Variants in BANP observed in about 807,000 individuals in gnomAD.
BANP encodes BTG3 associated nuclear protein.
A neutral mutation model predicts 68.1 loss-of-function variants in BANP; 11 were observed. That is an observed-to-expected ratio of 0.16 (90% confidence interval 0.10 to 0.27). The LOEUF is 0.27. Ranked by LOEUF, BANP falls within the 10% of genes least tolerant of loss-of-function variation. The probability of loss-of-function intolerance (pLI) is 1.00; values close to 1 mark genes in which losing one functional copy is unlikely to be tolerated. For synonymous variants in BANP, 329 were observed against 303.2 expected, an observed-to-expected ratio of 1.09 and a Z score of -0.88; for missense variants, 504 against 722.7, an observed-to-expected ratio of 0.70 and a Z score of 3.47.
In BANP at chr16:87,951,460, G is replaced by T. The variant is rs1393326570; in HGVS notation, c.-124G>T. The T allele has an allele frequency of 6.6e-6, 1 of 152,152 alleles. No homozygotes were observed. Among genetic ancestry groups the T allele is most frequent in the Non-Finnish European group, 1.5e-5 (1 of 67,900 alleles). The allele number at this position is 152,152 out of a possible 1,614,324, so 9.4% of individuals were successfully genotyped here. On this transcript the variant is annotated 5_prime_UTR_variant, in exon 1 of 14. Coordinates refer to ENST00000682872, the MANE Select transcript of BANP (RefSeq NM_001386991.1). ...GAGCGGCGGCTTCTCTCGCGAGGAC[G>T]GACGCCATTATCGCATCTCCCCGAC... is the stretch of plus-strand genomic sequence containing the variant.
chr16:87,955,026 G>A (rs748117963), intron 1 of BANP, among the ~76,000 whole-genome samples: 16 of 152,230 alleles, frequency 1.1e-4, no homozygotes, highest in Non-Finnish European at 1.9e-4. Context: ...GGCTGCCAGC[G>A]TACCTGGGCA....
At chr16:87,972,000 C>G (rs768276671) in intron 1 of BANP, among the ~76,000 whole-genome samples, 2 of 152,086 alleles carry the variant, frequency 1.3e-5, no homozygotes, top group Non-Finnish European at 2.9e-5. Flanking sequence ...CGGTACATGC[C>G]CAGGCTGCTC....
At chr16:87,961,265 G>A (rs1298039203) in intron 1 of BANP, among the ~76,000 whole-genome samples, 1 of 152,208 alleles carries the variant, frequency 6.6e-6, no homozygotes, top group African/African-American at 2.4e-5. Context: ...ATTATCTGAA[G>A]AGCCTATTAA....
intron 1 of BANP, among the ~76,000 whole-genome samples, chr16:87,969,002 C>T (rs1270392830): frequency 6.6e-6 from 1 of 152,072 alleles, no homozygotes; most frequent in African/African-American, 2.4e-5. Context: ...GTATCTTAAC[C>T]TGGAAATATT....
chr16:88,057,715 C>G lies in BANP; in HGVS notation c.1312-7552C>G, dbSNP rs149880186. The stretch of plus-strand genomic sequence containing the variant: ...GGCACTGTGCGAGACAGTCTGACTT[C>G]TGACAAGTAAGAGAGATGGCGGGGC... On this transcript the variant is annotated intron_variant, in intron 11 of 13. Coordinates refer to ENST00000682872, the MANE Select transcript of BANP (RefSeq NM_001386991.1). This position sits in a 1 kb window ranked among gnomAD's most constrained non-coding sequence, Gnocchi z 4.6. 4.0e-3 allele frequency among the ~76,000 whole-genome samples: 480 copies of G among 118,684 alleles called. 3 individuals are homozygous for G. The highest frequency in any genetic ancestry group is 0.015 in the African/African-American group (457 of 31,286). The allele number at this position is 118,684 out of a possible 152,430, so 77.9% of individuals were successfully genotyped here. A position where few individuals can be genotyped will look rare whatever the true frequency, so the allele number is the denominator to read the frequency against.
chr16:87,994,689 A>G (rs1263798281), intron 4 of BANP, among the ~76,000 whole-genome samples: 1 of 152,134 alleles, frequency 6.6e-6, no homozygotes, highest in African/African-American at 2.4e-5. Flanking sequence ...AATCCCAGCA[A>G]CTCGGGAGAC....
chr16:88,066,122 T>C (rs528442912), intron 12 of BANP, among the ~76,000 whole-genome samples: 2 of 152,292 alleles, frequency 1.3e-5, no homozygotes, highest in African/African-American at 4.8e-5. Context: ...CAGACGGGGC[T>C]TCTCCCAGAC....
intron 13 of BANP, among the ~76,000 whole-genome samples, chr16:88,073,486 G>A (rs1239353771): frequency 2.0e-5 from 3 of 152,240 alleles, no homozygotes; most frequent in South Asian, 2.1e-4. Flanking sequence ...CATTGTCGCC[G>A]ACCTCACTGG....
intron 11 of BANP, among the ~76,000 whole-genome samples, chr16:88,043,648 G>A (rs1257059718): frequency 1.3e-5 from 2 of 152,174 alleles, no homozygotes; most frequent in African/African-American, 4.8e-5. Context: ...GTAGAGGACA[G>A]GCCTTGTATG....
chr16:88,007,100 C>T (rs2071448719), intron 6 of BANP, among the ~76,000 whole-genome samples: 1 of 152,142 alleles, frequency 6.6e-6, no homozygotes, highest in Non-Finnish European at 1.5e-5. Flanking sequence ...CTTTCCCCTA[C>T]ACAGTAGAAA....
chr16:88,063,511 C>T (rs1195321218), intron 11 of BANP, among the ~76,000 whole-genome samples: 2 of 152,246 alleles, frequency 1.3e-5, no homozygotes, highest in African/African-American at 4.8e-5. Flanking sequence ...ACTCTCAGCC[C>T]GTCTGTGGGG....
upstream of BANP, chr16:87,949,436 G>A (rs2056612746): frequency 4.6e-5 from 7 of 152,194 alleles, no homozygotes; most frequent in Admixed American, 4.6e-4. Context: ...ACTGCCGGAG[G>A]GAATATTCTG....
chr16:87,972,186 C>T (rs1415291895), intron 1 of BANP, among the ~76,000 whole-genome samples: 1 of 152,082 alleles, frequency 6.6e-6, no homozygotes, highest in African/African-American at 2.4e-5. Context: ...TCATCTCTTT[C>T]ATTTCTTTTT....
At chr16:88,034,326 G>C (rs1199626646) in intron 9 of BANP, among the ~76,000 whole-genome samples, 1 of 152,156 alleles carries the variant, frequency 6.6e-6, no homozygotes, top group Non-Finnish European at 1.5e-5. Context: ...TTTGTCATAA[G>C]GCTTACATAG....
chr16:88,038,466 C>T (rs2079959041), intron 11 of BANP, among the ~76,000 whole-genome samples: 1 of 151,800 alleles, frequency 6.6e-6, no homozygotes, highest in Non-Finnish European at 1.5e-5. Flanking sequence ...ACGTGCCCTC[C>T]CACCCCCGCC....
At position 88,058,281 on chromosome 16, in the gene BANP, G is replaced by A. The variant is rs985680538; in HGVS notation, c.1312-6986G>A. ...CAAAGATCCCTTTCTTCCTCAAATG[G>A]GAGCTTGGGATTTGTTGGGTTTCAC... On this transcript the variant is annotated intron_variant, in intron 11 of 13. Coordinates refer to ENST00000682872, the MANE Select transcript of BANP (RefSeq NM_001386991.1). Among the ~76,000 whole-genome samples the A allele has an allele frequency of 8.5e-5, 13 of 152,200 alleles. No individual in the cohort carries two copies. In the East Asian group the frequency reaches 2.5e-3, roughly 29 times the overall value.
chr16:88,044,846 G>A (rs1016112155), intron 11 of BANP, among the ~76,000 whole-genome samples: 13 of 152,248 alleles, frequency 8.5e-5, no homozygotes, highest in African/African-American at 3.1e-4. Context: ...AGCCGGTGCG[G>A]TGGCAGGCGC....
At chr16:87,964,508 G>C (rs1333038428) in intron 1 of BANP, among the ~76,000 whole-genome samples, 2 of 152,240 alleles carry the variant, frequency 1.3e-5, no homozygotes, top group East Asian at 3.9e-4. Context: ...GTATCCCTGA[G>C]AAGCATGGGG....
At chr16:88,072,004 ATGTGGGT>A (rs968815464) in intron 12 of BANP, 58 bp from the exon 13 acceptor site, 104 of 1,535,438 alleles carry the variant, frequency 6.8e-5, no homozygotes, top group South Asian at 4.1e-4. Context: ...CTGTGGAGCC[ATGTGGGT>A]TGTGGGTTGT....
Sources: gnomAD v4.1 joint callset for allele counts (sites outside exome capture counted in the v4.1 genomes callset) on GRCh38, gnomAD v4.1.1 for gene constraint, Gnocchi (gnomAD v3.1) non-coding constraint, MANE v1.5 for transcripts, NCBI Gene and HGNC (gene_info 2026-07-23, HGNC 2026-07-21) for gene names.